The following ANXA8 variants were observed in gnomAD, a reference collection of about 807,000 sequenced individuals.
ANXA8 encodes annexin A8.
In ANXA8, 9 loss-of-function variants were observed where a neutral mutation model predicts 26.8. That is an observed-to-expected ratio of 0.34 (90% CI 0.20 to 0.59). The LOEUF (loss-of-function observed/expected upper bound fraction) is 0.59. Ranked by LOEUF, ANXA8 falls within the 20% of genes least tolerant of loss-of-function variation. The probability of loss-of-function intolerance (pLI) is 0.84; values close to 1 mark genes in which losing one functional copy is unlikely to be tolerated. For synonymous variants in ANXA8, 39 were observed against 94.8 expected (o/e 0.41, Z 3.42); for missense variants, 83 against 238.5 (o/e 0.35, Z 4.29).
the ANXA8 span, among the ~76,000 whole-genome samples, chr10:47,509,539 TTAAAGA>T: frequency 4.9e-5 from 6 of 122,312 alleles, no homozygotes; most frequent in African/African-American, 1.5e-4. Flanking sequence ...AAAAGTTAAA[TTAAAGA>T]TAAAGACATT....
At chr10:47,939,596 C>T in the ANXA8 span, among the ~76,000 whole-genome samples, 1 of 145,444 alleles carries the variant, frequency 6.9e-6, no homozygotes, top group Non-Finnish European at 1.5e-5. Context: ...AGGCTGGACG[C>T]CTCCACGGCA....
chr10:47,670,321 A>C, the ANXA8 span, among the ~76,000 whole-genome samples: 1 of 151,962 alleles, frequency 6.6e-6, no homozygotes, highest in South Asian at 2.1e-4. Context: ...TGTTATGAAC[A>C]CTGATGTACA....
the ANXA8 span, among the ~76,000 whole-genome samples, chr10:47,559,396 G>A: frequency 6.6e-6 from 1 of 151,586 alleles, no homozygotes; most frequent in Non-Finnish European, 1.5e-5. Flanking sequence ...CCAAAGTGCT[G>A]GGATTATAGG....
the ANXA8 span, among the ~76,000 whole-genome samples, chr10:47,658,830 G>A: frequency 1.4e-5 from 2 of 139,382 alleles, no homozygotes; most frequent in Admixed American, 1.4e-4. Context: ...GTGAAGTGTT[G>A]AGGTTTTTAT....
the ANXA8 span, among the ~76,000 whole-genome samples, chr10:47,894,936 A>G: frequency 6.6e-6 from 1 of 151,614 alleles, no homozygotes; most frequent in South Asian, 2.1e-4. Context: ...CACACCACAT[A>G]ACACAGCACG....
At chr10:47,969,392 G>C in the ANXA8 span, among the ~76,000 whole-genome samples, 8 of 150,264 alleles carry the variant, frequency 5.3e-5, no homozygotes, top group African/African-American at 1.7e-4. Context: ...GATTTGCTTA[G>C]AGCACCACAA....
At chr10:47,636,325 C>A in the ANXA8 span, among the ~76,000 whole-genome samples, 3 of 140,206 alleles carry the variant, frequency 2.1e-5, 1 homozygote, top group Non-Finnish European at 4.6e-5. Flanking sequence ...AGGGTCTCTG[C>A]CTTTATGAAG....
At chr10:47,707,316 A>G in the ANXA8 span, among the ~76,000 whole-genome samples, 22 of 143,488 alleles carry the variant, frequency 1.5e-4, 4 homozygotes, top group Non-Finnish European at 3.1e-5. Context: ...CTTCTGGGAA[A>G]TAATTATGAT....
chr10:47,681,756 G>A, the ANXA8 span, among the ~76,000 whole-genome samples: 2 of 123,498 alleles, frequency 1.6e-5, no homozygotes, highest in East Asian at 2.4e-4. Flanking sequence ...GACTGGTCTC[G>A]AACTACTGAG....
At chr10:47,591,259 CCT>C in the ANXA8 span, among the ~76,000 whole-genome samples, 338 of 144,772 alleles carry the variant, frequency 2.3e-3, 44 homozygotes, top group African/African-American at 9.0e-3. Context: ...ATCCTTCAAT[CCT>C]CCCCTGACAT....
chr10:47,489,021 T>A (rs1840099367), upstream of ANXA8, among the ~76,000 whole-genome samples: 1 of 133,522 alleles, frequency 7.5e-6, no homozygotes, highest in Non-Finnish European at 1.6e-5. Flanking sequence ...AGCAATTATT[T>A]TTTTCTTTTT....
the ANXA8 span, among the ~76,000 whole-genome samples, chr10:47,625,548 T>C: frequency 6.7e-6 from 1 of 149,960 alleles, no homozygotes; most frequent in Non-Finnish European, 1.5e-5. Context: ...CTTCGTCTTA[T>C]TGTTAAGACA....
At chr10:47,749,502 C>T in the ANXA8 span, among the ~76,000 whole-genome samples, 2 of 139,478 alleles carry the variant, frequency 1.4e-5, no homozygotes, top group East Asian at 4.6e-4. Flanking sequence ...AATATACATG[C>T]AAGAGTAGAA....
intron 1 of ANXA8, among the ~76,000 whole-genome samples, chr10:47,482,012 G>A (rs1839835432): frequency 7.0e-6 from 1 of 142,934 alleles, no homozygotes; most frequent in African/African-American, 2.6e-5. Context: ...CTGGGAGATG[G>A]GTTTGTCTCT....
chr10:47,495,231 T>C, the ANXA8 span, among the ~76,000 whole-genome samples: 2 of 147,536 alleles, frequency 1.4e-5, no homozygotes, highest in Admixed American at 6.9e-5. Context: ...CTCTGCGGGA[T>C]TTCTGGGTCT....
At chr10:47,556,198 C>T in the ANXA8 span, among the ~76,000 whole-genome samples, 1 of 151,866 alleles carries the variant, frequency 6.6e-6, no homozygotes, top group Non-Finnish European at 1.5e-5. Flanking sequence ...GCATGTACTT[C>T]TCTCCATCAT....
At chr10:47,670,908 GT>G in the ANXA8 span, among the ~76,000 whole-genome samples, 6 of 150,412 alleles carry the variant, frequency 4.0e-5, no homozygotes, top group Non-Finnish European at 8.8e-5. Flanking sequence ...TATTTACCAG[GT>G]TATTTGGAAG....
At chr10:47,941,151 C>A in the ANXA8 span, among the ~76,000 whole-genome samples, 1 of 145,974 alleles carries the variant, frequency 6.9e-6, no homozygotes, top group Non-Finnish European at 1.5e-5. Flanking sequence ...TATTCCTGTG[C>A]AAATATGCAA....
the ANXA8 span, among the ~76,000 whole-genome samples, chr10:47,655,523 T>C: frequency 6.6e-6 from 1 of 151,056 alleles, no homozygotes; most frequent in East Asian, 1.9e-4. Context: ...GAGTCTAGGC[T>C]GAATAGGGAA....
Sources: gnomAD v4.1 joint callset for allele counts (sites outside exome capture counted in the v4.1 genomes callset) on GRCh38, gnomAD v4.1.1 for gene constraint, MANE v1.5 for transcripts, NCBI Gene and HGNC (gene_info 2026-07-23, HGNC 2026-07-21) for gene names.